The following KIDINS220 variants were observed in gnomAD, a reference collection of about 807,000 sequenced individuals.
KIDINS220 encodes the protein kinase D interacting substrate 220.
A neutral mutation model predicts 157.6 loss-of-function variants in KIDINS220; 63 were observed. That is an observed-to-expected ratio of 0.40 (90% CI 0.33 to 0.49). The LOEUF (loss-of-function observed/expected upper bound fraction) is 0.49, where lower values mean the gene tolerates loss of function less well. Among genes scored for constraint, KIDINS220 ranks in the 20% least tolerant of loss-of-function variants. The pLI, the probability that KIDINS220 is intolerant of heterozygous loss-of-function variation, is 0.66. For missense variants in KIDINS220, 1,772 were observed against 2,171.2 expected (o/e 0.82, Z 3.65); for synonymous variants, 732 against 783.6 (o/e 0.93, Z 1.10).
rs1669873715 is a variant in KIDINS220, at chr2:8,769,294, A to G, written c.3011+1376T>C. 2.6e-5 allele frequency among the ~76,000 whole-genome samples: 4 copies of G among 152,192 alleles called. No homozygotes were observed. The South Asian group carries it at 8.3e-4, about 32-fold the overall frequency. The stretch of plus-strand genomic sequence containing the variant: ...TAGTTCTCCTGTGCCCAAGTTTACA[A>G]ATTTCTTGAAATCTAGAAATACATT... On this transcript the variant is annotated intron_variant, in intron 22 of 29. Coordinates refer to ENST00000256707, the MANE Select transcript of KIDINS220 (RefSeq NM_020738.4).
chr2:8,815,095 T>G (rs984190966), intron 4 of KIDINS220, among the ~76,000 whole-genome samples: 1 of 152,158 alleles, frequency 6.6e-6, no homozygotes, highest in African/African-American at 2.4e-5. Flanking sequence ...CATCATGTCC[T>G]CACTTCAATT....
chr2:8,836,832 A>T (rs1179446039), intron 1 of KIDINS220, among the ~76,000 whole-genome samples: 1 of 152,234 alleles, frequency 6.6e-6, no homozygotes, highest in Admixed American at 6.5e-5. Flanking sequence ...GGGAGCAGAG[A>T]TGGCTGCATA....
chr2:8,735,439 G>C (rs895436243), intron 27 of KIDINS220, among the ~76,000 whole-genome samples: 2 of 152,154 alleles, frequency 1.3e-5, no homozygotes, highest in African/African-American at 4.8e-5. Context: ...GGCTGAGGCA[G>C]GAGGATCGCT....
At position 8,730,452 on chromosome 2, in the gene KIDINS220, G is replaced by C. The variant is rs751150709; in HGVS notation, c.*268C>G. 7.9e-7 allele frequency: 1 copy of C among 1,266,024 alleles called. No homozygotes were observed. Among genetic ancestry groups the C allele is most frequent in the Non-Finnish European group, 9.9e-7 (1 of 1,008,474 alleles). 78.4% of individuals were successfully genotyped at this position (1,266,024 alleles called of 1,614,324 possible). A position where few individuals can be genotyped will look rare whatever the true frequency, so the allele number is the denominator to read the frequency against. On this transcript the variant is annotated 3_prime_UTR_variant, in exon 30 of 30. Coordinates refer to ENST00000256707, the MANE Select transcript of KIDINS220 (RefSeq NM_020738.4). ...CTCAGATCTCACCTCGTCTCAAAAA[G>C]TTTTATGGGGTAATGCGCCAATGAA... is the stretch of plus-strand genomic sequence containing the variant.
chr2:8,735,546 AT>A (rs1378989942), intron 27 of KIDINS220, among the ~76,000 whole-genome samples: 3 of 152,140 alleles, frequency 2.0e-5, no homozygotes, highest in Admixed American at 2.0e-4. Context: ...GAAAAAAAAA[AT>A]CATAAAAAAG....
At chr2:8,745,828 G>T (rs1558331413) in intron 26 of KIDINS220, among the ~76,000 whole-genome samples, 1 of 152,130 alleles carries the variant, frequency 6.6e-6, no homozygotes, top group Admixed American at 6.5e-5. Flanking sequence ...CTGCTAAAAT[G>T]CAAGTTTTAA....
At chr2:8,780,378 C>T (rs1261760990) in intron 17 of KIDINS220, among the ~76,000 whole-genome samples, 1 of 152,024 alleles carries the variant, frequency 6.6e-6, no homozygotes, top group Non-Finnish European at 1.5e-5. Context: ...TTTCTCACTC[C>T]AAATATGTAT....
rs1470567386 is a variant in KIDINS220, at chr2:8,730,416, C to T, written c.*304G>A. 1.1e-5 allele frequency: 13 copies of T among 1,149,242 alleles called. No homozygotes were observed. The highest frequency in any genetic ancestry group is 9.6e-5 in the African/African-American group (6 of 62,412). The allele number at this position is 1,149,242 out of a possible 1,614,324, so 71.2% of individuals were successfully genotyped here. A position where few individuals can be genotyped will look rare whatever the true frequency, so the allele number is the denominator to read the frequency against. On this transcript the variant is annotated 3_prime_UTR_variant, in exon 30 of 30. Coordinates refer to ENST00000256707, the MANE Select transcript of KIDINS220 (RefSeq NM_020738.4). ...TTAAGCCCTTTAAAATACTTCTGAC[C>T]TATCTTTATACTCAGATCTCACCTC...
At chr2:8,798,118 TCAAA>T (rs1397363098) in intron 10 of KIDINS220, 80 bp downstream of exon 10, 13 of 779,998 alleles carry the variant, frequency 1.7e-5, no homozygotes, top group South Asian at 3.2e-5. Context: ...AACTCTAACA[TCAAA>T]CAAAGACGAC....
Position 8,770,851 on chromosome 2 carries a change from G to C in KIDINS220, c.2849-19C>G. 3 of 1,527,166 alleles carry C rather than the reference G, an allele frequency of 2.0e-6. No homozygotes were observed. Among genetic ancestry groups the C allele is most frequent in the Non-Finnish European group, 2.7e-6 (3 of 1,119,860 alleles). The allele number at this position is 1,527,166 out of a possible 1,614,324, so 94.6% of individuals were successfully genotyped here. A position where few individuals can be genotyped will look rare whatever the true frequency, so the allele number is the denominator to read the frequency against. On this transcript the variant is annotated intron_variant, in intron 21 of 29. Coordinates refer to ENST00000256707, the MANE Select transcript of KIDINS220 (RefSeq NM_020738.4). The stretch of plus-strand genomic sequence containing the variant: ...AATCGTCCTTTTAAAAAATACAAAA[G>C]CATTTAAAAATTAATAGATGTGTGA...
intron 6 of KIDINS220, among the ~76,000 whole-genome samples, chr2:8,812,092 G>A (rs1217687428): frequency 6.6e-6 from 1 of 152,156 alleles, no homozygotes; most frequent in African/African-American, 2.4e-5. Flanking sequence ...AAAGCAGATA[G>A]GACTGAATGT....
chr2:8,815,237 C>G lies in KIDINS220; in HGVS notation c.307-1902G>C, dbSNP rs113365205. Among the ~76,000 whole-genome samples, 105 of 151,602 alleles carry G rather than the reference C, an allele frequency of 6.9e-4. No homozygotes were observed. In the South Asian group the frequency reaches 9.0e-3, roughly 13 times the overall value. ...GCAACATGGCAAAACCCTGCCTCTA[C>G]AAAAAATACAAAAATTAGCCAGCCA... is the stretch of plus-strand genomic sequence containing the variant. On this transcript the variant is annotated intron_variant, in intron 4 of 29. Coordinates refer to ENST00000256707, the MANE Select transcript of KIDINS220 (RefSeq NM_020738.4).
chr2:8,781,549 T>C (rs1400935887), intron 17 of KIDINS220, among the ~76,000 whole-genome samples: 1 of 152,058 alleles, frequency 6.6e-6, no homozygotes, highest in South Asian at 2.1e-4. Context: ...AAATTTAAAA[T>C]AGAAATCATG....
In KIDINS220 at chr2:8,731,184, C is replaced by T. The variant is rs1664033378; in HGVS notation, c.4852G>A (p.Glu1618Lys). The change falls in exon 30 of 30, where the codon GAA becomes AAA. Residue 1618 changes from glutamate to lysine, a missense_variant. Physicochemically the swap from Glu to Lys is moderately conservative, Grantham distance 56 (BLOSUM62 1). Transcript: ENST00000256707. This position sits in a 1 kb window ranked among gnomAD's most constrained non-coding sequence, Gnocchi z 5.2. ...CGCTTTCCGCTGTGACTGTCATCTT[C>T]CAGCTCTATGAGATTTGCCTTTTCA... ...QLEKANLIEL[E>K]DDSHSGKRGI... The T allele has an allele frequency of 6.2e-7, 1 of 1,614,082 alleles. No individual in the cohort carries two copies. Among genetic ancestry groups the T allele is most frequent in the Non-Finnish European group, 8.5e-7 (1 of 1,180,046 alleles).
intron 2 of KIDINS220, among the ~76,000 whole-genome samples, chr2:8,822,912 T>C (rs1678209546): frequency 1.3e-5 from 2 of 152,238 alleles, no homozygotes; most frequent in Admixed American, 1.3e-4. Flanking sequence ...TAGAATTCAC[T>C]GTTTGTGGGC....
intron 22 of KIDINS220, chr2:8,757,619 G>T: frequency 6.2e-7 from 1 of 1,603,516 alleles, no homozygotes. Context: ...CTTCGAGGCA[G>T]ATAACCCAAG....
chr2:8,826,964 A>G (rs763426414), intron 2 of KIDINS220, 22 bp downstream of exon 2: 3 of 1,378,142 alleles, frequency 2.2e-6, no homozygotes, highest in Admixed American at 3.5e-5. Flanking sequence ...GAAAGAATGT[A>G]ATTTTGCAAA....
At chr2:8,807,117 T>C (rs1572736623) in intron 6 of KIDINS220, among the ~76,000 whole-genome samples, 1 of 152,208 alleles carries the variant, frequency 6.6e-6, no homozygotes, top group African/African-American at 2.4e-5. Flanking sequence ...GTATCACATT[T>C]TCACAGATGA....
intron 22 of KIDINS220, among the ~76,000 whole-genome samples, chr2:8,753,085 C>T (rs984823035): frequency 2.0e-5 from 3 of 151,544 alleles, no homozygotes; most frequent in Non-Finnish European, 2.9e-5. Flanking sequence ...AACGCATCAC[C>T]GAGGGATAAA....
Sources: allele counts gnomAD v4.1 joint callset (sites outside exome capture counted in the v4.1 genomes callset), GRCh38; gene constraint gnomAD v4.1.1; non-coding constraint Gnocchi (gnomAD v3.1); transcripts MANE v1.5; gene names NCBI Gene and HGNC (gene_info 2026-07-23, HGNC 2026-07-21).